DOCK5: variants seen among roughly 807,000 people sequenced by gnomAD.
The protein encoded by DOCK5 is dedicator of cytokinesis protein 5.
In DOCK5, 142 loss-of-function variants were observed where a neutral mutation model predicts 251.8. The observed-to-expected ratio is 0.56, with a 90% CI of 0.49 to 0.65. DOCK5 has a LOEUF of 0.65. DOCK5 is among the 30% of genes least tolerant of loss of function. The pLI is 0.00. For missense variants in DOCK5, 2,111 were observed against 2,312.3 expected, an observed-to-expected ratio of 0.91 and a Z score of 1.79; for synonymous variants, 842 against 835.5, an observed-to-expected ratio of 1.01 and a Z score of -0.13.
At chr8:25,282,816 T>G (rs2960178) in intron 5 of DOCK5, among the ~76,000 whole-genome samples, 141,477 of 143,250 alleles carry the variant, frequency 0.99, 69,887 homozygotes, top group Middle Eastern at 1. Context: ...TACCACTGCA[T>G]TCCAGCCTGG....
At chr8:25,304,627 C>A in intron 11 of DOCK5, 1 of 298,110 alleles carries the variant, frequency 3.4e-6, no homozygotes, top group Non-Finnish European at 6.2e-6. Flanking sequence ...TCAGCAATGC[C>A]AAAATATATG....
At chr8:25,330,881 C>T (rs894555767) in intron 18 of DOCK5, among the ~76,000 whole-genome samples, 4 of 152,056 alleles carry the variant, frequency 2.6e-5, no homozygotes, top group Non-Finnish European at 4.4e-5. Flanking sequence ...AGTTCAAGAC[C>T]AGCCTGGGCA....
At chr8:25,186,673 C>T (rs1482473464) in intron 1 of DOCK5, among the ~76,000 whole-genome samples, 2 of 152,114 alleles carry the variant, frequency 1.3e-5, no homozygotes, top group Non-Finnish European at 2.9e-5. Context: ...GCCACCTCAC[C>T]TGGCCCCTAG....
intron 6 of DOCK5, among the ~76,000 whole-genome samples, chr8:25,295,008 C>T (rs147598050): frequency 6.6e-6 from 1 of 152,274 alleles, no homozygotes; most frequent in East Asian, 1.9e-4. Flanking sequence ...GCCCCACTTC[C>T]AACATTGGGG....
At chr8:25,254,960 C>T (rs1803382580) in intron 2 of DOCK5, among the ~76,000 whole-genome samples, 1 of 151,922 alleles carries the variant, frequency 6.6e-6, no homozygotes, top group Non-Finnish European at 1.5e-5. Flanking sequence ...AAAAGATATT[C>T]AGCATCATAT....
intron 2 of DOCK5, among the ~76,000 whole-genome samples, chr8:25,250,477 A>T (rs1803237893): frequency 6.6e-6 from 1 of 152,126 alleles, no homozygotes; most frequent in South Asian, 2.1e-4. Flanking sequence ...TTTGGCAGCG[A>T]GGTAGCTGTT....
chr8:25,399,656 A>AGT (rs1011369166), intron 45 of DOCK5, among the ~76,000 whole-genome samples: 5 of 151,840 alleles, frequency 3.3e-5, no homozygotes, highest in African/African-American at 9.7e-5. Flanking sequence ...TTATTTGATT[A>AGT]GTGTGTGTGT....
intron 4 of DOCK5, among the ~76,000 whole-genome samples, chr8:25,276,245 G>T (rs1372615736): frequency 6.6e-6 from 1 of 152,138 alleles, no homozygotes; most frequent in Non-Finnish European, 1.5e-5. Context: ...AGCATATTAG[G>T]GGAAACAATC....
intron 28 of DOCK5, 22 bp downstream of exon 28, chr8:25,359,083 TG>T: frequency 6.3e-7 from 1 of 1,598,360 alleles, no homozygotes; most frequent in Non-Finnish European, 8.6e-7. Context: ...TTACTGGTCC[TG>T]GTAACCTGAA....
chr8:25,345,383 CT>C, intron 25 of DOCK5, 91 bp from the exon 26 acceptor site: 1 of 1,547,674 alleles, frequency 6.5e-7, no homozygotes, highest in African/African-American at 1.3e-5. Context: ...CTTAGAGCTA[CT>C]GGTACTGGTC....
intron 13 of DOCK5, among the ~76,000 whole-genome samples, chr8:25,312,828 G>A (rs1366020412): frequency 2.0e-5 from 3 of 151,386 alleles, no homozygotes; most frequent in Non-Finnish European, 4.4e-5. Flanking sequence ...TACTTGAAAG[G>A]CTGAAGCGGG....
chr8:25,254,774 A>AAAAAG (rs1803368860), intron 2 of DOCK5, among the ~76,000 whole-genome samples: 1 of 86,142 alleles, frequency 1.2e-5, no homozygotes, highest in Admixed American at 1.2e-4. Flanking sequence ...ACTTTGTCTC[A>AAAAAG]AAAAAAAACA....
chr8:25,217,568 T>G (rs1476782966), intron 1 of DOCK5, among the ~76,000 whole-genome samples: 1 of 152,122 alleles, frequency 6.6e-6, no homozygotes, highest in African/African-American at 2.4e-5. Context: ...TCTAATGCCT[T>G]TAGTTCCAGT....
chr8:25,289,388 G>A (rs988538913), intron 5 of DOCK5, among the ~76,000 whole-genome samples: 5 of 151,724 alleles, frequency 3.3e-5, no homozygotes, highest in African/African-American at 1.2e-4. Context: ...TGAGACTCAA[G>A]TGATCCTCTT....
chr8:25,196,332 AG>A (rs1801725402), intron 1 of DOCK5, among the ~76,000 whole-genome samples: 1 of 152,210 alleles, frequency 6.6e-6, no homozygotes, highest in South Asian at 2.1e-4. Context: ...TGAATTGGAA[AG>A]GAAAGAAGGC....
At chr8:25,372,209 C>A (rs576777090) in intron 34 of DOCK5, among the ~76,000 whole-genome samples, 1 of 152,276 alleles carries the variant, frequency 6.6e-6, no homozygotes, top group East Asian at 1.9e-4. Flanking sequence ...CACACACGAA[C>A]CTTTTGAGCA....
At chr8:25,254,865 A>C (rs1040085294) in intron 2 of DOCK5, among the ~76,000 whole-genome samples, 2 of 152,032 alleles carry the variant, frequency 1.3e-5, no homozygotes, top group East Asian at 3.9e-4. Flanking sequence ...AACAATAAGA[A>C]AACAACCCAC....
intron 11 of DOCK5, 182 bp from the exon 12 acceptor site, chr8:25,308,601 C>A: frequency 1.4e-6 from 1 of 737,652 alleles, no homozygotes; most frequent in Non-Finnish European, 2.0e-6. Flanking sequence ...CAAGTCATTT[C>A]CAAGGTGAAT....
rs111905851 is a variant in DOCK5, at chr8:25,300,926, A to G, written c.846+269A>G. ...ATAATAAACAATAATCAATCCAGGC[A>G]CAGGGGCTCACGCCTGTAATCCCAG... On this transcript the variant is annotated intron_variant, in intron 9 of 51. Coordinates refer to ENST00000276440, the MANE Select transcript of DOCK5 (RefSeq NM_024940.8). Among the ~76,000 whole-genome samples, 1,020 of 152,316 alleles carry G rather than the reference A, an allele frequency of 6.7e-3. 5 individuals are homozygous for G. Among genetic ancestry groups the G allele is most frequent in the African/African-American group, 0.024 (986 of 41,568 alleles).
Sources: allele counts gnomAD v4.1 joint callset (sites outside exome capture counted in the v4.1 genomes callset), GRCh38; gene constraint gnomAD v4.1.1; transcripts MANE v1.5; gene names NCBI Gene and HGNC (gene_info 2026-07-23, HGNC 2026-07-21).